The following CPA3 variants were observed in gnomAD, a reference collection of about 807,000 sequenced individuals.
The protein encoded by CPA3 is carboxypeptidase A3, also known as mast cell carboxypeptidase A.
Under a neutral mutation model 55.8 loss-of-function variants are expected in CPA3, and 52 were observed. The ratio of observed to expected loss-of-function variants is 0.93; its 90% CI spans 0.75 to 1.17. The LOEUF is 1.17. CPA3 is among the 50% of genes most tolerant of loss of function. The pLI is 0.00. For missense variants in CPA3, 547 were observed against 509.1 expected, an observed-to-expected ratio of 1.07 and a Z score of -0.72; for synonymous variants, 179 against 171.2, an observed-to-expected ratio of 1.05 and a Z score of -0.36.
At chr3:148,870,118 A>G (rs998097952) in intron 3 of CPA3, 10 of 141,056 alleles carry the variant, frequency 7.1e-5, no homozygotes, top group Admixed American at 5.7e-4. Flanking sequence ...AAAAAAAAAG[A>G]AAATGTGTTT....
intron 9 of CPA3, 57 bp downstream of exon 9, chr3:148,883,872 GTTC>G (rs1714449974): frequency 3.9e-6 from 5 of 1,270,082 alleles, no homozygotes; most frequent in Non-Finnish European, 5.7e-6. Flanking sequence ...CTTTCAGTCT[GTTC>G]TTCATTAACT....
chr3:148,873,747 T>C (rs1207336284), intron 3 of CPA3, among the ~76,000 whole-genome samples: 1 of 152,184 alleles, frequency 6.6e-6, no homozygotes, highest in East Asian at 1.9e-4. Flanking sequence ...ATTTTAACAG[T>C]TGTGTCCATT....
intron 10 of CPA3, among the ~76,000 whole-genome samples, chr3:148,894,355 A>C (rs1237499293): frequency 6.6e-6 from 1 of 152,120 alleles, no homozygotes; most frequent in Non-Finnish European, 1.5e-5. Context: ...CCATTAAGAA[A>C]ACTAAGCAAG....
intron 7 of CPA3, 124 bp from the exon 8 acceptor site, chr3:148,882,381 G>A: frequency 1.4e-5 from 8 of 591,082 alleles, no homozygotes; most frequent in South Asian, 1.3e-4. Flanking sequence ...TATAATAAAG[G>A]GCCTCAAGTT....
intron 3 of CPA3, among the ~76,000 whole-genome samples, chr3:148,870,704 C>A (rs1468095830): frequency 2.6e-5 from 4 of 152,022 alleles, no homozygotes; most frequent in Non-Finnish European, 5.9e-5. Context: ...CAGCTTTTAA[C>A]CCTTTTAACT....
intron 10 of CPA3, among the ~76,000 whole-genome samples, chr3:148,895,260 CT>C (rs974643441): frequency 3.3e-5 from 5 of 152,180 alleles, no homozygotes; most frequent in Admixed American, 2.0e-4. Flanking sequence ...TGCCTCCATG[CT>C]TTTCTATCCT....
intron 10 of CPA3, among the ~76,000 whole-genome samples, chr3:148,894,758 C>T (rs1241905775): frequency 6.6e-6 from 1 of 151,874 alleles, no homozygotes; most frequent in African/African-American, 2.4e-5. Context: ...AGGATCCATC[C>T]CACCAAGAAA....
In CPA3 at chr3:148,883,944, C is replaced by T. The variant is rs1714451767; in HGVS notation, c.981+129C>T. ...CAAAGAAAAGAACTAATGAAATTTGCCTTGAAGTTAAAATCATGATCTTTA... is the reference window on the plus strand; with the variant it reads ...CAAAGAAAAGAACTAATGAAATTTGTCTTGAAGTTAAAATCATGATCTTTA... On this transcript the variant is annotated intron_variant, in intron 9 of 10. Transcript: ENST00000296046. 20 of 690,052 alleles carry T rather than the reference C, an allele frequency of 2.9e-5. No individual in the cohort carries two copies. In the South Asian group the frequency reaches 3.8e-4, roughly 13 times the overall value. The allele number at this position is 690,052 out of a possible 1,614,324, so 42.7% of individuals were successfully genotyped here.
rs769309287 is a variant in CPA3 at position 148,888,163 on chromosome 3, C to T, written c.1066+1986C>T. Among the ~76,000 whole-genome samples the T allele has an allele frequency of 3.2e-4, 48 of 152,320 alleles. 1 individual carries two copies. The South Asian group carries it at 3.3e-3, about 11-fold the overall frequency. The stretch of plus-strand genomic sequence containing the variant: ...CTGACCACAGTTTTTAAGTCACTTT[C>T]GTATTCCAAGCTGAAAGTATAAACT... On this transcript the variant is annotated intron_variant, in intron 10 of 10. Coordinates refer to ENST00000296046, the MANE Select transcript of CPA3 (RefSeq NM_001870.4).
rs918783005 is a variant in CPA3 at position 148,882,614 on chromosome 3, A to G, written c.778+19A>G. On this transcript the variant is annotated intron_variant, in intron 8 of 10. Coordinates refer to ENST00000296046, the MANE Select transcript of CPA3 (RefSeq NM_001870.4). ...TGGAACTGTGAGTAGCAGACTTGCT[A>G]TCAAGGAAAATTGCTATAAGGAATA... 19 of 1,597,112 alleles carry G rather than the reference A, an allele frequency of 1.2e-5. No homozygotes were observed. In the African/African-American group the frequency reaches 2.0e-4, roughly 17 times the overall value.
In CPA3 at chr3:148,865,485, C is replaced by A; in HGVS notation, c.81C>A (p.Phe27Leu). Residue 27 changes from phenylalanine (F) to leucine (L), a missense_variant, in exon 2 of 11, where the codon TTC (phenylalanine) becomes TTA (leucine). Transcript: ENST00000296046. The stretch of plus-strand genomic sequence containing the variant: ...TGCCTCCACAAAGGGAGAAGGTGTT[C>A]CGCGTGAAGCCCCAGGATGAAAAAC... ...APVRFDREKV[F>L]RVKPQDEKQA... 6.2e-6 allele frequency: 10 copies of A among 1,613,818 alleles called. No individual in the cohort carries two copies. Among genetic ancestry groups the A allele is most frequent in the Non-Finnish European group, 8.5e-6 (10 of 1,179,944 alleles).
intron 10 of CPA3, among the ~76,000 whole-genome samples, chr3:148,889,785 A>T (rs1714619620): frequency 6.8e-6 from 1 of 147,698 alleles, no homozygotes; most frequent in Non-Finnish European, 1.5e-5. Context: ...CAGGAGAATC[A>T]CTTGAAACCA....
intron 9 of CPA3, 69 bp from the exon 10 acceptor site, chr3:148,886,024 C>T: frequency 1.8e-6 from 2 of 1,088,284 alleles, no homozygotes; most frequent in Non-Finnish European, 2.8e-6. Context: ...TGCATACATA[C>T]ATAATTACAT....
intron 6 of CPA3, among the ~76,000 whole-genome samples, chr3:148,880,916 A>G (rs1347673177): frequency 1.3e-5 from 2 of 152,152 alleles, no homozygotes; most frequent in African/African-American, 2.4e-5. Context: ...CAGGTCTACA[A>G]AAAATCTTGT....
intron 8 of CPA3, 83 bp downstream of exon 8, chr3:148,882,678 G>A (rs1342724943): frequency 4.8e-6 from 5 of 1,035,214 alleles, no homozygotes; most frequent in Non-Finnish European, 7.4e-6. Flanking sequence ...TACTTGTTCA[G>A]TAAAAATAGT....
At chr3:148,894,616 A>C (rs57631983) in intron 10 of CPA3, among the ~76,000 whole-genome samples, 9,444 of 151,968 alleles carry the variant, frequency 0.062, 1,015 homozygotes, top group African/African-American at 0.21. Context: ...ATATAACAAC[A>C]CAGATAAGTT....
At chr3:148,891,663 A>C (rs891104099) in intron 10 of CPA3, among the ~76,000 whole-genome samples, 5 of 152,216 alleles carry the variant, frequency 3.3e-5, no homozygotes, top group Non-Finnish European at 7.3e-5. Context: ...TCACATAATT[A>C]TGAAAAATCA....
In CPA3 at chr3:148,865,507, A is replaced by G. The variant is rs561390621; in HGVS notation, c.103A>G (p.Lys35Glu). The G allele has an allele frequency of 3.7e-6, 6 of 1,614,098 alleles. No individual in the cohort carries two copies. The South Asian group carries it at 5.5e-5, about 15-fold the overall frequency. The change falls in exon 2 of 11, where the codon AAA becomes GAA. Residue 35 changes from lysine to glutamate, a missense_variant. Physicochemically the swap from Lys to Glu is moderately conservative, Grantham distance 56. Transcript: ENST00000296046. The part of the protein sequence containing the change: ...KVFRVKPQDE[K>E]QADIIKDLAK... ...GTTCCGCGTGAAGCCCCAGGATGAA[A>G]AACAAGCAGACATCATAAAGGACTT... is the stretch of plus-strand genomic sequence containing the variant.
In CPA3 at chr3:148,896,729, T is replaced by G. The variant is rs1217815664; in HGVS notation, c.*22T>G. On this transcript the variant is annotated 3_prime_UTR_variant, in exon 11 of 11. Transcript: ENST00000296046. ...CTAAAGAACTGCCCTCTGTTTGGAA[T>G]AAGCCAATTAATCCTTTTTTGTGCC... 1 of 1,455,546 alleles carries G rather than the reference T, an allele frequency of 6.9e-7. No homozygotes were observed. Among genetic ancestry groups the G allele is most frequent in the Admixed American group, 1.9e-5 (1 of 52,518 alleles). The allele number at this position is 1,455,546 out of a possible 1,614,324, so 90.2% of individuals were successfully genotyped here. A position where few individuals can be genotyped will look rare whatever the true frequency, so the allele number is the denominator to read the frequency against.
Sources: allele counts gnomAD v4.1 joint callset (sites outside exome capture counted in the v4.1 genomes callset), GRCh38; gene constraint gnomAD v4.1.1; transcripts MANE v1.5; gene names NCBI Gene and HGNC (gene_info 2026-07-23, HGNC 2026-07-21).